KIAA1217: variants seen among roughly 807,000 people sequenced by gnomAD.
KIAA1217 encodes the protein sickle tail protein homolog.
A neutral mutation model predicts 163.9 loss-of-function variants in KIAA1217; 88 were observed. The observed-to-expected ratio is 0.54, with a 90% confidence interval of 0.45 to 0.64. The LOEUF (loss-of-function observed/expected upper bound fraction) is 0.64. Among genes scored for constraint, KIAA1217 ranks in the 30% least tolerant of loss-of-function variants. KIAA1217 has a pLI of 0.00. For synonymous variants in KIAA1217, 903 were observed against 923.1 expected, an observed-to-expected ratio of 0.98 and a Z score of 0.39; for missense variants, 2,372 against 2,475.0, an observed-to-expected ratio of 0.96 and a Z score of 0.88.
intron 1 of KIAA1217, among the ~76,000 whole-genome samples, chr10:23,783,784 T>A (rs1835364511): frequency 6.6e-6 from 1 of 152,110 alleles, no homozygotes; most frequent in Non-Finnish European, 1.5e-5. Context: ...CCTGATTCAA[T>A]CCTAGTAGGT....
At chr10:24,316,605 A>G (rs2043408097) in intron 2 of KIAA1217, among the ~76,000 whole-genome samples, 1 of 152,094 alleles carries the variant, frequency 6.6e-6, no homozygotes, top group Admixed American at 6.5e-5. Flanking sequence ...TGGTTGTAGA[A>G]TGTGTTTCAT....
At chr10:24,078,401 A>G (rs2061434372) in intron 2 of KIAA1217, among the ~76,000 whole-genome samples, 1 of 152,184 alleles carries the variant, frequency 6.6e-6, no homozygotes, top group Non-Finnish European at 1.5e-5. Context: ...TTTCCACTTC[A>G]TGTCCCTAAC....
In KIAA1217 at chr10:23,790,392, TATATATACATATATACATATAC is replaced by T. The variant is rs1564423294; in HGVS notation, c.-321+95199_-321+95220del. On this transcript the variant is annotated intron_variant, in intron 1 of 18. Transcript: ENST00000376462. Reference sequence around the variant, plus strand: ...ATATACATATGTATATATACATATGTATATATACATATATACATATACATATATACATATATACATATACATA... The same window carrying T: ...ATATACATATGTATATATACATATGTATATATACATATATACATATACATA... 1.0e-3 allele frequency among the ~76,000 whole-genome samples: 85 copies of T among 82,458 alleles called. 8 individuals carry two copies. The highest frequency in any genetic ancestry group is 2.5e-3 in the East Asian group (8 of 3,138). The allele number at this position is 82,458 out of a possible 152,430, so 54.1% of individuals were successfully genotyped here.
chr10:23,852,163 C>A (rs1259178279), intron 1 of KIAA1217, among the ~76,000 whole-genome samples: 1 of 152,086 alleles, frequency 6.6e-6, no homozygotes, highest in Non-Finnish European at 1.5e-5. Flanking sequence ...AAGTTTAAGT[C>A]TTTAATCCAT....
chr10:24,070,925 A>G (rs1305601798), intron 2 of KIAA1217, among the ~76,000 whole-genome samples: 5 of 152,176 alleles, frequency 3.3e-5, no homozygotes, highest in Non-Finnish European at 7.4e-5. Flanking sequence ...TGAGTATTCA[A>G]GTTGGTTGGG....
chr10:24,089,595 C>A (rs1166424498), intron 2 of KIAA1217, among the ~76,000 whole-genome samples: 1 of 151,670 alleles, frequency 6.6e-6, no homozygotes, highest in South Asian at 2.1e-4. Flanking sequence ...TGTCAAAGAT[C>A]AGATAGTTGT....
At chr10:24,162,559 TCA>T (rs2065167900) in intron 2 of KIAA1217, among the ~76,000 whole-genome samples, 1 of 152,220 alleles carries the variant, frequency 6.6e-6, no homozygotes, top group Admixed American at 6.5e-5. Context: ...ATGCAGCCCA[TCA>T]CATGGTACCT....
chr10:23,998,990 A>T (rs1246107638), intron 1 of KIAA1217, among the ~76,000 whole-genome samples: 2 of 151,828 alleles, frequency 1.3e-5, no homozygotes, highest in African/African-American at 4.8e-5. Context: ...AAATATGCAG[A>T]CTAGATCTCT....
chr10:24,273,970 T>G (rs1485596872), intron 2 of KIAA1217, among the ~76,000 whole-genome samples: 2 of 152,062 alleles, frequency 1.3e-5, no homozygotes, highest in Admixed American at 1.3e-4. Flanking sequence ...AGAGCAGATA[T>G]TTGGTGTAGG....
intron 3 of KIAA1217, among the ~76,000 whole-genome samples, chr10:24,412,385 A>C (rs2057862485): frequency 6.6e-6 from 1 of 152,160 alleles, no homozygotes; most frequent in Non-Finnish European, 1.5e-5. Flanking sequence ...CTAGATGACT[A>C]GAAAGGGATT....
Position 23,951,508 on chromosome 10 carries a change from G to A in KIAA1217, c.-320-55717G>A, listed in dbSNP as rs146602397. 3.5e-3 allele frequency among the ~76,000 whole-genome samples: 534 copies of A among 152,116 alleles called. 1 individual carries two copies. Among genetic ancestry groups the A allele is most frequent in the South Asian group, 0.025 (122 of 4,810 alleles). On this transcript the variant is annotated intron_variant, in intron 1 of 18. Coordinates refer to the KIAA1217 transcript ENST00000376462. ...TTCTCTATAAAAATACAAAAATTATGCCAGCATGGTGGTGCACACCTGTAG... is the reference window on the plus strand; with the variant it reads ...TTCTCTATAAAAATACAAAAATTATACCAGCATGGTGGTGCACACCTGTAG...
At chr10:24,355,577 T>C (rs899822513) in intron 2 of KIAA1217, among the ~76,000 whole-genome samples, 1 of 151,910 alleles carries the variant, frequency 6.6e-6, no homozygotes, top group Admixed American at 6.6e-5. Context: ...TTCCAAATAC[T>C]ATCACATTGG....
intron 1 of KIAA1217, among the ~76,000 whole-genome samples, chr10:23,714,896 C>G (rs575847471): frequency 4.1e-4 from 62 of 152,132 alleles, no homozygotes; most frequent in African/African-American, 1.4e-3. Context: ...GCTTATATAC[C>G]ATAGAAAAAG....
At position 24,185,373 on chromosome 10, in the gene KIAA1217, C is replaced by T. The variant is rs552472010; in HGVS notation, c.-170-34253C>T. Among the ~76,000 whole-genome samples, 574 of 134,998 alleles carry T rather than the reference C, an allele frequency of 4.3e-3. 3 individuals carry two copies. Among genetic ancestry groups the T allele is most frequent in the African/African-American group, 0.014 (557 of 39,796 alleles). The allele number at this position is 134,998 out of a possible 152,430, so 88.6% of individuals were successfully genotyped here. A position where few individuals can be genotyped will look rare whatever the true frequency, so the allele number is the denominator to read the frequency against. Reference sequence around the variant, plus strand: ...GCTTCAGCATCTCCTTGCAAGTCCTCGAACTCTTCCTTTGTTGTAACTATC... The same window carrying T: ...GCTTCAGCATCTCCTTGCAAGTCCTTGAACTCTTCCTTTGTTGTAACTATC... On this transcript the variant is annotated intron_variant, in intron 2 of 18. Transcript: ENST00000376462.
intron 1 of KIAA1217, among the ~76,000 whole-genome samples, chr10:23,968,103 C>T (rs1163966777): frequency 6.6e-6 from 1 of 151,308 alleles, no homozygotes; most frequent in Non-Finnish European, 1.5e-5. Context: ...TATGTATATA[C>T]TCACAAAGTG....
chr10:23,934,224 C>T (rs1030607726), intron 1 of KIAA1217, among the ~76,000 whole-genome samples: 1 of 152,052 alleles, frequency 6.6e-6, no homozygotes, highest in African/African-American at 2.4e-5. Flanking sequence ...AGAATGAGAT[C>T]ATGTCCTTTG....
intron 1 of KIAA1217, among the ~76,000 whole-genome samples, chr10:23,714,517 C>T (rs1837453270): frequency 6.6e-6 from 1 of 152,076 alleles, no homozygotes; most frequent in Admixed American, 6.6e-5. Flanking sequence ...CTTGGACTTT[C>T]CTGAATACGC....
At chr10:24,523,127 G>C (rs1459038113) in intron 12 of KIAA1217, among the ~76,000 whole-genome samples, 1 of 152,150 alleles carries the variant, frequency 6.6e-6, no homozygotes, top group Non-Finnish European at 1.5e-5. Flanking sequence ...ACTCCAGCCT[G>C]GGTGACAGAG....
chr10:23,932,135 G>A (rs960758410), intron 1 of KIAA1217, among the ~76,000 whole-genome samples: 2 of 152,102 alleles, frequency 1.3e-5, no homozygotes, highest in African/African-American at 4.8e-5. Context: ...CAGAAGCTGA[G>A]GGGCAAGTGA....
Sources: gnomAD v4.1 joint callset for allele counts (sites outside exome capture counted in the v4.1 genomes callset) on GRCh38, gnomAD v4.1.1 for gene constraint, MANE v1.5 for transcripts, NCBI Gene and HGNC (gene_info 2026-07-23, HGNC 2026-07-21) for gene names.